Variants in SKAP1 observed in about 807,000 individuals in gnomAD.
SKAP1 encodes src kinase associated phosphoprotein 1.
SKAP1 carries 44 observed loss-of-function variants against 58.5 expected under a neutral mutation model. That is an observed-to-expected ratio of 0.75 (90% CI 0.59 to 0.97). The LOEUF is 0.97. SKAP1 is among the 50% of genes least tolerant of loss of function. The pLI is 0.00. For missense variants in SKAP1, 390 were observed against 435.2 expected (o/e 0.90, Z 0.92); for synonymous variants, 127 against 149.7 (o/e 0.85, Z 1.11).
chr17:48,342,151 G>A (rs2144314648), intron 4 of SKAP1, among the ~76,000 whole-genome samples: 1 of 152,304 alleles, frequency 6.6e-6, no homozygotes, highest in African/African-American at 2.4e-5. Context: ...TGTGGTCAGT[G>A]TTTCCTACTA....
intron 4 of SKAP1, among the ~76,000 whole-genome samples, chr17:48,314,589 G>A (rs2066265338): frequency 1.3e-5 from 2 of 152,114 alleles, no homozygotes; most frequent in East Asian, 3.8e-4. Context: ...TACACAGAGG[G>A]AAATCTCTTA....
chr17:48,408,954 C>T (rs369720082), intron 1 of SKAP1, among the ~76,000 whole-genome samples: 20 of 152,190 alleles, frequency 1.3e-4, no homozygotes, highest in African/African-American at 4.8e-4. Context: ...GATAGGTCAC[C>T]TCTCTATTTA....
At chr17:48,382,590 G>A (rs1240027813) in intron 2 of SKAP1, 1 of 152,214 alleles carries the variant, frequency 6.6e-6, no homozygotes. Flanking sequence ...TAGTCTTTAT[G>A]ACTGTTATTC....
intron 2 of SKAP1, among the ~76,000 whole-genome samples, chr17:48,367,413 A>C (rs566221754): frequency 6.6e-6 from 1 of 151,896 alleles, no homozygotes; most frequent in East Asian, 1.9e-4. Flanking sequence ...AAGAGAGTAG[A>C]TTTTAAGCAT....
At chr17:48,155,125 T>C (rs1033839633) in intron 11 of SKAP1, among the ~76,000 whole-genome samples, 1 of 151,344 alleles carries the variant, frequency 6.6e-6, no homozygotes, top group Admixed American at 6.6e-5. Flanking sequence ...ATGATGATGA[T>C]GATGATTTTT....
chr17:48,386,793 G>A (rs960962990), intron 2 of SKAP1, among the ~76,000 whole-genome samples: 5 of 152,146 alleles, frequency 3.3e-5, no homozygotes, highest in Non-Finnish European at 7.4e-5. Context: ...GCAACTATTA[G>A]CTACATACAC....
intron 11 of SKAP1, among the ~76,000 whole-genome samples, chr17:48,137,848 C>T (rs906370113): frequency 3.3e-5 from 5 of 152,328 alleles, no homozygotes; most frequent in South Asian, 2.1e-4. Flanking sequence ...ATCTAATCCT[C>T]GCTTGGTCAT....
intron 4 of SKAP1, among the ~76,000 whole-genome samples, chr17:48,191,008 T>C (rs945613248): frequency 1.3e-5 from 2 of 152,064 alleles, no homozygotes; most frequent in African/African-American, 4.8e-5. Flanking sequence ...CAAAAAAAAG[T>C]ATGCGAAAGA....
chr17:48,205,708 CT>C (rs1459847734), intron 4 of SKAP1, among the ~76,000 whole-genome samples: 7 of 152,066 alleles, frequency 4.6e-5, no homozygotes, highest in African/African-American at 1.7e-4. Flanking sequence ...CAGAATGGCA[CT>C]GAAATTCTCC....
intron 3 of SKAP1, among the ~76,000 whole-genome samples, chr17:48,363,419 G>A (rs1343265011): frequency 4.6e-5 from 7 of 152,180 alleles, no homozygotes; most frequent in Non-Finnish European, 8.8e-5. Flanking sequence ...TATTTCTGGA[G>A]CAAATGAAGG....
At chr17:48,187,119 C>T (rs754627830) in intron 6 of SKAP1, among the ~76,000 whole-genome samples, 2 of 152,208 alleles carry the variant, frequency 1.3e-5, no homozygotes, top group African/African-American at 2.4e-5. Flanking sequence ...TAATTTTTAG[C>T]TTGTCTTTAT....
At chr17:48,335,076 C>A (rs1338588717) in intron 4 of SKAP1, among the ~76,000 whole-genome samples, 2 of 151,834 alleles carry the variant, frequency 1.3e-5, no homozygotes, top group Non-Finnish European at 2.9e-5. Context: ...ATGTCTATAT[C>A]ATTCTTCTCT....
chr17:48,181,743 G>A (rs2064371882), intron 8 of SKAP1, among the ~76,000 whole-genome samples: 2 of 152,114 alleles, frequency 1.3e-5, no homozygotes, highest in Admixed American at 1.3e-4. Context: ...AATACCGAGT[G>A]ACTAACTCAA....
At chr17:48,284,463 T>G (rs7212930) in intron 4 of SKAP1, among the ~76,000 whole-genome samples, 50,035 of 151,974 alleles carry the variant, frequency 0.33, 8,949 homozygotes, top group African/African-American at 0.47. Context: ...GGGCCTATGG[T>G]GGGTTCTGCC....
At chr17:48,270,661 T>A (rs2065618403) in intron 4 of SKAP1, among the ~76,000 whole-genome samples, 1 of 152,044 alleles carries the variant, frequency 6.6e-6, no homozygotes, top group African/African-American at 2.4e-5. Flanking sequence ...TTTTTTATCT[T>A]TTTAAGGCTA....
At chr17:48,133,930 G>A (rs2063668964) in intron 12 of SKAP1, 114 bp from the exon 13 acceptor site, 2 of 152,114 alleles carry the variant, frequency 1.3e-5, no homozygotes, top group South Asian at 4.1e-4. Flanking sequence ...CTCTGTCCTT[G>A]GAGGCAACCA....
intron 1 of SKAP1, among the ~76,000 whole-genome samples, chr17:48,399,041 C>A (rs76811231): frequency 0.2 from 30,239 of 150,912 alleles, 3,772 homozygotes; most frequent in South Asian, 0.37. Context: ...AACAAACAAA[C>A]AAAAAAAACC....
At chr17:48,207,936 T>C (rs1431502390) in intron 4 of SKAP1, among the ~76,000 whole-genome samples, 3 of 152,216 alleles carry the variant, frequency 2.0e-5, no homozygotes, top group Non-Finnish European at 4.4e-5. Context: ...CTAGAATGAC[T>C]TCAGATCAGT....
chr17:48,418,631 A>T (rs545764171), intron 1 of SKAP1, among the ~76,000 whole-genome samples: 1 of 152,376 alleles, frequency 6.6e-6, no homozygotes, highest in South Asian at 2.1e-4. Context: ...TTATGTTCAC[A>T]AAACAAGTTA....
Sources: gnomAD v4.1 joint callset for allele counts (sites outside exome capture counted in the v4.1 genomes callset) on GRCh38, gnomAD v4.1.1 for gene constraint, MANE v1.5 for transcripts, NCBI Gene and HGNC (gene_info 2026-07-23, HGNC 2026-07-21) for gene names.